The following PLCB1 variants were observed in gnomAD, a reference collection of about 807,000 sequenced individuals.
PLCB1 encodes the protein 1-phosphatidylinositol 4,5-bisphosphate phosphodiesterase beta-1.
In PLCB1, 46 loss-of-function variants were observed where a neutral mutation model predicts 161.8. That is an observed-to-expected ratio of 0.28 (90% CI 0.22 to 0.36). The LOEUF (loss-of-function observed/expected upper bound fraction) is 0.36. PLCB1 is among the 10% of genes least tolerant of loss of function. The probability of loss-of-function intolerance (pLI) is 1.00; values close to 1 mark genes in which losing one functional copy is unlikely to be tolerated. For synonymous variants in PLCB1, 517 were observed against 503.7 expected, an observed-to-expected ratio of 1.03 and a Z score of -0.35; for missense variants, 1,016 against 1,472.5, an observed-to-expected ratio of 0.69 and a Z score of 5.07.
chr20:8,774,117 G>A (rs758287943), intron 26 of PLCB1, among the ~76,000 whole-genome samples: 1 of 152,138 alleles, frequency 6.6e-6, no homozygotes, highest in African/African-American at 2.4e-5. Flanking sequence ...CTCTAACAAA[G>A]TCTGCTCAAT....
At chr20:8,707,204 G>A (rs1159757521) in intron 11 of PLCB1, among the ~76,000 whole-genome samples, 2 of 152,140 alleles carry the variant, frequency 1.3e-5, no homozygotes, top group Non-Finnish European at 2.9e-5. Context: ...GAGGATATAT[G>A]CAAATGTAGT....
chr20:8,582,373 A>T (rs1986861516), intron 3 of PLCB1, among the ~76,000 whole-genome samples: 1 of 152,044 alleles, frequency 6.6e-6, no homozygotes. Flanking sequence ...CCCATGATTG[A>T]CTCATAGAGT....
intron 4 of PLCB1, among the ~76,000 whole-genome samples, chr20:8,637,659 A>C (rs2876139): frequency 0.72 from 109,348 of 152,124 alleles, 39,803 homozygotes; most frequent in African/African-American, 0.82. Flanking sequence ...TAAAAAGATA[A>C]ATATATACTT....
At position 8,542,887 on chromosome 20, in the gene PLCB1, C is replaced by T. The variant is rs570452803; in HGVS notation, c.247-85407C>T. On this transcript the variant is annotated intron_variant, in intron 3 of 31. Transcript: ENST00000338037. ...ATTCTCTAGGAAGCCAGCTTTGTTT[C>T]CTTATATTTAAAAGTCATTCACTCA... Among the ~76,000 whole-genome samples, 81 of 152,260 alleles carry T rather than the reference C, an allele frequency of 5.3e-4. 1 individual carries two copies. The highest frequency in any genetic ancestry group is 1.9e-3 in the African/African-American group (77 of 41,546).
chr20:8,672,983 G>A (rs141026139), intron 9 of PLCB1, among the ~76,000 whole-genome samples: 3,768 of 151,900 alleles, frequency 0.025, 152 homozygotes, highest in African/African-American at 0.086. Flanking sequence ...ATGGTGATGC[G>A]CGCCTGTAAT....
Position 8,221,044 on chromosome 20 carries a change from G to A in PLCB1, c.177+70673G>A, listed in dbSNP as rs574117896. On this transcript the variant is annotated intron_variant, in intron 2 of 31. Coordinates refer to ENST00000338037, the MANE Select transcript of PLCB1 (RefSeq NM_015192.4). ...TCCACTTCCCACCTGTAAACTCCAA[G>A]TGATGATAGCCATATCCAGTCCATT... is the stretch of plus-strand genomic sequence containing the variant. 2.0e-4 allele frequency among the ~76,000 whole-genome samples: 31 copies of A among 152,254 alleles called. 1 individual carries two copies. In the South Asian group the frequency reaches 6.4e-3, roughly 32 times the overall value.
At chr20:8,286,922 C>A (rs1013800637) in intron 2 of PLCB1, among the ~76,000 whole-genome samples, 1 of 152,106 alleles carries the variant, frequency 6.6e-6, no homozygotes, top group Non-Finnish European at 1.5e-5. Context: ...TAGAAATTAT[C>A]AGTGGACTTT....
At chr20:8,387,893 C>T (rs1352244088) in intron 3 of PLCB1, among the ~76,000 whole-genome samples, 1 of 145,810 alleles carries the variant, frequency 6.9e-6, no homozygotes, top group Non-Finnish European at 1.5e-5. Flanking sequence ...GATGGTTGCA[C>T]AACAGTGTGA....
chr20:8,172,806 G>A (rs1489561400), intron 2 of PLCB1, among the ~76,000 whole-genome samples: 2 of 152,216 alleles, frequency 1.3e-5, no homozygotes, highest in Non-Finnish European at 2.9e-5. Context: ...CTAAGAGGAA[G>A]GCAGACTGGT....
chr20:8,848,440 G>A (rs1276351784), intron 31 of PLCB1, among the ~76,000 whole-genome samples: 1 of 152,170 alleles, frequency 6.6e-6, no homozygotes, highest in Non-Finnish European at 1.5e-5. Context: ...AGGCTCTCCA[G>A]GGGCCCTATT....
intron 31 of PLCB1, among the ~76,000 whole-genome samples, chr20:8,826,210 G>A (rs1425545944): frequency 6.6e-6 from 1 of 152,012 alleles, no homozygotes; most frequent in Non-Finnish European, 1.5e-5. Context: ...AGAAAAGAAG[G>A]CCTCACCAGG....
At chr20:8,766,018 G>C (rs188010964) in intron 26 of PLCB1, among the ~76,000 whole-genome samples, 5 of 152,164 alleles carry the variant, frequency 3.3e-5, no homozygotes, top group Admixed American at 6.5e-5. Context: ...ACTATCCTTT[G>C]CTACCCTGTC....
chr20:8,165,733 C>T (rs1161238070), intron 2 of PLCB1, among the ~76,000 whole-genome samples: 3 of 152,166 alleles, frequency 2.0e-5, no homozygotes, highest in Admixed American at 6.5e-5. Flanking sequence ...TGGTGGAAAG[C>T]CAGATCTGTC....
chr20:8,461,313 A>C (rs1412409403), intron 3 of PLCB1, among the ~76,000 whole-genome samples: 1 of 152,148 alleles, frequency 6.6e-6, no homozygotes, highest in Non-Finnish European at 1.5e-5. Flanking sequence ...AGAACTGTCA[A>C]ATAATAAAAA....
chr20:8,776,795 CCAT>C (rs1289373413), intron 27 of PLCB1, among the ~76,000 whole-genome samples: 1 of 151,784 alleles, frequency 6.6e-6, no homozygotes, highest in Non-Finnish European at 1.5e-5. Flanking sequence ...ATGAGTCAGA[CCAT>C]AAACAAAATA....
At chr20:8,582,391 A>C (rs1986861946) in intron 3 of PLCB1, among the ~76,000 whole-genome samples, 1 of 152,234 alleles carries the variant, frequency 6.6e-6, no homozygotes, top group African/African-American at 2.4e-5. Flanking sequence ...AGTGGTGTCA[A>C]AGGTCAGGCT....
intron 31 of PLCB1, among the ~76,000 whole-genome samples, chr20:8,874,402 G>A (rs547250316): frequency 6.6e-6 from 1 of 151,980 alleles, no homozygotes; most frequent in Non-Finnish European, 1.5e-5. Flanking sequence ...AATTTTGGCA[G>A]AGTAATATAA....
At chr20:8,230,463 A>T (rs1979969865) in intron 2 of PLCB1, among the ~76,000 whole-genome samples, 1 of 152,166 alleles carries the variant, frequency 6.6e-6, no homozygotes, top group African/African-American at 2.4e-5. Context: ...TATACAATGT[A>T]TCATTGTTAG....
chr20:8,763,008 T>C (rs1331575054), intron 25 of PLCB1, among the ~76,000 whole-genome samples: 2 of 152,202 alleles, frequency 1.3e-5, no homozygotes, highest in Admixed American at 6.5e-5. Flanking sequence ...TCTAGGTCCA[T>C]ATAAATGATA....
Sources: gnomAD v4.1 joint callset for allele counts (sites outside exome capture counted in the v4.1 genomes callset) on GRCh38, gnomAD v4.1.1 for gene constraint, MANE v1.5 for transcripts, NCBI Gene and HGNC (gene_info 2026-07-23, HGNC 2026-07-21) for gene names.